ADGRL2: variants seen among roughly 807,000 people sequenced by gnomAD.
ADGRL2 encodes calcium-independent alpha-latrotoxin receptor 2.
A neutral mutation model predicts 157.4 loss-of-function variants in ADGRL2; 44 were observed. The observed-to-expected ratio is 0.28, with a 90% CI of 0.22 to 0.36. The LOEUF (loss-of-function observed/expected upper bound fraction) is 0.36. Among genes scored for constraint, ADGRL2 ranks in the 10% least tolerant of loss-of-function variants. The probability of loss-of-function intolerance (pLI) is 1.00; values close to 1 mark genes in which losing one functional copy is unlikely to be tolerated. For missense variants in ADGRL2, 1,510 were observed against 1,768.9 expected (o/e 0.85, Z 2.63); for synonymous variants, 585 against 624.7 (o/e 0.94, Z 0.95).
chr1:81,929,197 A>C (rs1249748307), intron 3 of ADGRL2, among the ~76,000 whole-genome samples: 1 of 152,152 alleles, frequency 6.6e-6, no homozygotes, highest in Admixed American at 6.6e-5. Flanking sequence ...GGCCCCTGGC[A>C]GGAGATAATG....
intron 23 of ADGRL2, chr1:81,989,929 T>C (rs1664236640): frequency 1.0e-6 from 1 of 985,288 alleles, no homozygotes; most frequent in South Asian, 4.7e-5. Flanking sequence ...ACATTTGCCT[T>C]TCAGTTTTGT....
intron 17 of ADGRL2, among the ~76,000 whole-genome samples, chr1:81,978,350 A>C (rs1459298731): frequency 6.6e-6 from 1 of 151,812 alleles, no homozygotes; most frequent in Non-Finnish European, 1.5e-5. Flanking sequence ...CTAGAATGTT[A>C]TGGAAAATAA....
In ADGRL2 at chr1:81,950,251, A is replaced by C; in HGVS notation, c.1273A>C (p.Thr425Pro). 6.2e-7 allele frequency: 1 copy of C among 1,614,090 alleles called. No homozygotes were observed. Among genetic ancestry groups the C allele is most frequent in the Non-Finnish European group, 8.5e-7 (1 of 1,179,966 alleles). Reference protein sequence around the residue: ...AELFKTIISTTSTTSQKGPMS... With the variant: ...AELFKTIISTPSTTSQKGPMS... ...GCTGTTCAAAACCATAATATCAACC[A>C]CAAGCACTACTTCACAGAAAGGCCC... is the stretch of plus-strand genomic sequence containing the variant. The change falls in exon 7 of 24, where the codon ACA (threonine) becomes CCA (proline). Residue 425 changes from threonine (T) to proline (P), a missense_variant. Transcript: ENST00000686636.
chr1:81,667,747 T>A (rs937384005), intron 3 of ADGRL2, among the ~76,000 whole-genome samples: 2 of 152,164 alleles, frequency 1.3e-5, no homozygotes, highest in Admixed American at 6.5e-5. Flanking sequence ...GTATTTTTTT[T>A]AAATTCAGCA....
intron 1 of ADGRL2, among the ~76,000 whole-genome samples, chr1:81,746,039 C>CTT (rs35407675): frequency 0.29 from 44,633 of 151,824 alleles, 6,726 homozygotes; most frequent in South Asian, 0.39. Context: ...TAAAATATAA[C>CTT]ATAATGCATG....
At chr1:81,541,842 C>T (rs2079892562) in intron 2 of ADGRL2, among the ~76,000 whole-genome samples, 1 of 151,608 alleles carries the variant, frequency 6.6e-6, no homozygotes, top group Admixed American at 6.6e-5. Flanking sequence ...CCTGTAAGCC[C>T]AGCTACTCGG....
chr1:81,711,200 G>A (rs2083915995), intron 1 of ADGRL2, among the ~76,000 whole-genome samples: 1 of 152,186 alleles, frequency 6.6e-6, no homozygotes, highest in African/African-American at 2.4e-5. Context: ...TTGTCCGCAT[G>A]TTTGAATTTT....
chr1:81,799,343 A>C (rs552681324), upstream of ADGRL2, among the ~76,000 whole-genome samples: 4 of 152,194 alleles, frequency 2.6e-5, no homozygotes, highest in Non-Finnish European at 4.4e-5. Flanking sequence ...TGCTCCTTTT[A>C]TCTTTTGAAA....
intron 1 of ADGRL2, among the ~76,000 whole-genome samples, chr1:81,802,948 G>C (rs886863131): frequency 6.6e-5 from 10 of 152,088 alleles, no homozygotes; most frequent in Non-Finnish European, 1.3e-4. Flanking sequence ...GCTGCTGCCA[G>C]GGCGGCCTCG....
chr1:81,579,576 G>C (rs1329685521), intron 2 of ADGRL2, among the ~76,000 whole-genome samples: 4 of 152,028 alleles, frequency 2.6e-5, no homozygotes, highest in African/African-American at 9.7e-5. Context: ...GACACATTTT[G>C]GTTTCATGTA....
chr1:81,859,819 C>T (rs2093333417), intron 2 of ADGRL2, among the ~76,000 whole-genome samples: 2 of 151,812 alleles, frequency 1.3e-5, no homozygotes, highest in South Asian at 2.1e-4. Context: ...TTTATTAAAT[C>T]CTAAGCAAAT....
chr1:81,984,341 G>A, intron 19 of ADGRL2: 1 of 335,638 alleles, frequency 3.0e-6, no homozygotes, highest in Non-Finnish European at 5.4e-6. Context: ...TATAGAGTAT[G>A]TCTACATGTT....
intron 1 of ADGRL2, among the ~76,000 whole-genome samples, chr1:81,377,350 C>A (rs995946393): frequency 6.6e-6 from 1 of 152,178 alleles, no homozygotes; most frequent in African/African-American, 2.4e-5. Context: ...TATTGTCCGG[C>A]ATTTAATCAA....
intron 2 of ADGRL2, among the ~76,000 whole-genome samples, chr1:81,866,240 C>G (rs1253025543): frequency 1.3e-5 from 2 of 152,130 alleles, no homozygotes; most frequent in Non-Finnish European, 2.9e-5. Context: ...GGCCTTGGTT[C>G]TAATTAATGT....
rs1157298166 is a variant in ADGRL2, at chr1:81,509,712, T to C, written c.-248+64623T>C. On this transcript the variant is annotated intron_variant, in intron 2 of 24. Transcript: ENST00000370721. ...TTTTCCATCTTTTATGTAAAGCAAA[T>C]GGATTAACAACAACTGGCATGAAGC... Among the ~76,000 whole-genome samples, 5 of 152,134 alleles carry C rather than the reference T, an allele frequency of 3.3e-5. No homozygotes were observed. In the East Asian group the frequency reaches 7.7e-4, roughly 23 times the overall value.
intron 2 of ADGRL2, among the ~76,000 whole-genome samples, chr1:81,889,262 A>G (rs942925739): frequency 6.6e-6 from 1 of 152,252 alleles, no homozygotes; most frequent in African/African-American, 2.4e-5. Flanking sequence ...CTCTTGTGCC[A>G]GTTAGCCAAG....
intron 3 of ADGRL2, among the ~76,000 whole-genome samples, chr1:81,916,388 T>C (rs1415363123): frequency 2.0e-5 from 3 of 152,166 alleles, no homozygotes; most frequent in Non-Finnish European, 4.4e-5. Context: ...AGATGTTCAG[T>C]TACAGTTGTA....
chr1:81,624,328 C>A (rs545094726), intron 3 of ADGRL2, among the ~76,000 whole-genome samples: 16 of 152,272 alleles, frequency 1.1e-4, no homozygotes, highest in African/African-American at 3.6e-4. Context: ...CGCCTGTAAT[C>A]CCAGCACATT....
intron 11 of ADGRL2, among the ~76,000 whole-genome samples, chr1:81,959,910 CCTGCTTCAGCCTCCCGAGTAA>C (rs1473661216): frequency 1.3e-5 from 2 of 151,786 alleles, no homozygotes; most frequent in African/African-American, 4.8e-5. Context: ...AAGTGATTCT[CCTGCTTCAGCCTCCCGAGTAA>C]CTGGGATTAC....
Sources: gnomAD v4.1 joint callset for allele counts (sites outside exome capture counted in the v4.1 genomes callset) on GRCh38, gnomAD v4.1.1 for gene constraint, MANE v1.5 for transcripts, NCBI Gene and HGNC (gene_info 2026-07-23, HGNC 2026-07-21) for gene names.